Variants in ALX4 observed in about 807,000 individuals in gnomAD.
The protein encoded by ALX4 is homeobox protein aristaless-like 4.
In ALX4, 22 loss-of-function variants were observed where a neutral mutation model predicts 40.6. The ratio of observed to expected loss-of-function variants is 0.54; its 90% confidence interval spans 0.39 to 0.77. The LOEUF is 0.77. Among genes scored for constraint, ALX4 ranks in the 30% least tolerant of loss-of-function variants. The probability of loss-of-function intolerance (pLI) is 0.00; values close to 1 mark genes in which losing one functional copy is unlikely to be tolerated. For missense variants in ALX4, 556 were observed against 564.8 expected, an observed-to-expected ratio of 0.98 and a Z score of 0.16; for synonymous variants, 266 against 240.5, an observed-to-expected ratio of 1.11 and a Z score of -0.98.
At chr11:44,266,904 A>G (rs1451652402) in intron 3 of ALX4, among the ~76,000 whole-genome samples, 4 of 152,168 alleles carry the variant, frequency 2.6e-5, no homozygotes, top group Admixed American at 2.6e-4. Context: ...AGCTTTTTGA[A>G]ACTGTACAAT....
At position 44,309,930 on chromosome 11, in the gene ALX4, T is replaced by C. The variant is rs1956497528; in HGVS notation, c.133A>G (p.Thr45Ala). 1.3e-6 allele frequency: 2 copies of C among 1,592,708 alleles called. No individual in the cohort carries two copies. Among genetic ancestry groups the C allele is most frequent in the Middle Eastern group, 1.6e-4 (1 of 6,064 alleles). Residue 45 changes from threonine (T) to alanine (A), a missense_variant, in exon 1 of 4, where the codon ACA becomes GCA. Coordinates refer to ENST00000652299, the MANE Select transcript of ALX4 (RefSeq NM_021926.4). The part of the protein sequence containing the change: ...RAFPGGDKFG[T>A]TFLSAAAKAQ... Reference sequence around the variant, plus strand: ...TTGGCGGCGGCCGACAGGAAAGTTGTGCCGAACTTGTCGCCTCCGGGAAAT... The same window carrying C: ...TTGGCGGCGGCCGACAGGAAAGTTGCGCCGAACTTGTCGCCTCCGGGAAAT...
At chr11:44,290,388 GC>G (rs148196481) in intron 1 of ALX4, among the ~76,000 whole-genome samples, 6,147 of 152,328 alleles carry the variant, frequency 0.04, 411 homozygotes, top group African/African-American at 0.14. Flanking sequence ...TCATTCAACA[GC>G]ATTCCTGGAG....
At chr11:44,265,899 C>T (rs1359467935) in intron 3 of ALX4, among the ~76,000 whole-genome samples, 1 of 152,194 alleles carries the variant, frequency 6.6e-6, no homozygotes, top group Non-Finnish European at 1.5e-5. Flanking sequence ...CTTCCCTTCC[C>T]TCCCCAACGT....
rs778531428 is a variant in ALX4 at position 44,309,988 on chromosome 11, C to A, written c.75G>T (p.Ser25=). 2 of 1,600,772 alleles carry A rather than the reference C, an allele frequency of 1.2e-6. No individual in the cohort carries two copies. The highest frequency in any genetic ancestry group is 2.3e-5 in the East Asian group (1 of 44,314). The change falls in exon 1 of 4, where the codon TCG becomes TCT. Residue 25 remains serine (S), a synonymous_variant. Coordinates refer to ENST00000652299, the MANE Select transcript of ALX4 (RefSeq NM_021926.4). Reference sequence around the variant, plus strand: ...AAGGCGACGAGCCCTCCCGACTCTGCGACACCGGGCTGTAGTAGGCGTCCA... The same window carrying A: ...AAGGCGACGAGCCCTCCCGACTCTGAGACACCGGGCTGTAGTAGGCGTCCA... ...AAMDAYYSPV[S]QSREGSSPFR...
At chr11:44,295,941 C>T (rs965705769) in intron 1 of ALX4, among the ~76,000 whole-genome samples, 3 of 152,210 alleles carry the variant, frequency 2.0e-5, no homozygotes, top group Admixed American at 2.0e-4. Flanking sequence ...TTTGGCTCTG[C>T]CCTCCACCCC....
intron 1 of ALX4, among the ~76,000 whole-genome samples, chr11:44,285,322 ATTC>A (rs1956332270): frequency 6.6e-6 from 1 of 152,212 alleles, no homozygotes; most frequent in African/African-American, 2.4e-5. Flanking sequence ...GCTGTTCTAT[ATTC>A]TTCTACCACA....
chr11:44,303,896 C>A (rs866887154), intron 1 of ALX4, among the ~76,000 whole-genome samples: 1 of 152,352 alleles, frequency 6.6e-6, no homozygotes, highest in Middle Eastern at 3.4e-3. Flanking sequence ...GAGGAAGGAG[C>A]ATCTTGAATG....
At chr11:44,286,485 G>A (rs1192092687) in intron 1 of ALX4, among the ~76,000 whole-genome samples, 2 of 152,108 alleles carry the variant, frequency 1.3e-5, no homozygotes, top group Non-Finnish European at 2.9e-5. Flanking sequence ...GTGCATGCTG[G>A]CCACCAGGAG....
intron 1 of ALX4, among the ~76,000 whole-genome samples, chr11:44,277,512 G>A (rs1450635628): frequency 6.6e-6 from 1 of 152,192 alleles, no homozygotes; most frequent in African/African-American, 2.4e-5. Flanking sequence ...CAACAAGCAC[G>A]TGTGGTAGGT....
Position 44,275,630 on chromosome 11 carries a change from C to T in ALX4, c.495G>A (p.Glu165=). 1.9e-6 allele frequency: 3 copies of T among 1,613,504 alleles called. No homozygotes were observed. Among genetic ancestry groups the T allele is most frequent in the Non-Finnish European group, 2.5e-6 (3 of 1,179,578 alleles). ...CCACAGTGTCAGAGTCAGGGGGTAA[C>T]TCTGGCTCACCCAGGGAGCTCTCTT... ...YAKESSLGEP[E]LPPDSDTVGM... is the part of the protein sequence containing the mutation. The change falls in exon 2 of 4, where the codon GAG becomes GAA. Residue 165 remains glutamate, a synonymous_variant. Transcript: ENST00000652299.
chr11:44,300,774 GA>G (rs1956430194), intron 1 of ALX4, among the ~76,000 whole-genome samples: 1 of 152,226 alleles, frequency 6.6e-6, no homozygotes, highest in South Asian at 2.1e-4. Context: ...AAAACCAAGA[GA>G]AAGCATGGAG....
Position 44,309,959 on chromosome 11 carries a change from C to G in ALX4, c.104G>C (p.Arg35Thr), listed in dbSNP as rs3824915. 792,239 of 1,592,832 alleles carry G rather than the reference C, an allele frequency of 0.5. 202,647 individuals are homozygous for G. Among genetic ancestry groups the G allele is most frequent in the South Asian group, 0.77 (67,279 of 87,932 alleles). Residue 35 changes from arginine to threonine, a missense_variant, in exon 1 of 4, where the codon AGG becomes ACG. Arg to Thr is a moderately conservative substitution (Grantham distance 71). Coordinates refer to ENST00000652299, the MANE Select transcript of ALX4 (RefSeq NM_021926.4). ...SQSREGSSPF[R>T]AFPGGDKFGT... Reference sequence around the variant, plus strand: ...GAACTTGTCGCCTCCGGGAAATGCCCTAAAAGGCGACGAGCCCTCCCGACT... The same window carrying G: ...GAACTTGTCGCCTCCGGGAAATGCCGTAAAAGGCGACGAGCCCTCCCGACT...
At position 44,275,481 on chromosome 11, in the gene ALX4, C is replaced by A; in HGVS notation, c.644G>T (p.Arg215Leu). The change falls in exon 2 of 4, where the codon CGG (arginine) becomes CTG (leucine). Residue 215 changes from arginine (R) to leucine (L), a missense_variant. Transcript: ENST00000652299. Reference sequence around the variant, plus strand: ...GCTGGTGAAGGTGGTCCGGTTCCGCCGCTTCTTGCCCTTGTTGCTCTCTGA... The same window carrying A: ...GCTGGTGAAGGTGGTCCGGTTCCGCAGCTTCTTGCCCTTGTTGCTCTCTGA... ...ADSESNKGKK[R>L]RNRTTFTSYQ... 1.2e-6 allele frequency: 2 copies of A among 1,614,012 alleles called. No homozygotes were observed. The highest frequency in any genetic ancestry group is 1.7e-6 in the Non-Finnish European group (2 of 1,179,878).
intron 1 of ALX4, among the ~76,000 whole-genome samples, chr11:44,301,304 C>T (rs541319352): frequency 7.2e-5 from 11 of 152,280 alleles, no homozygotes; most frequent in South Asian, 2.1e-4. Context: ...CCAGTTTCCT[C>T]GATGTAACCA....
At chr11:44,273,401 A>G (rs1365192242) in intron 2 of ALX4, among the ~76,000 whole-genome samples, 1 of 152,022 alleles carries the variant, frequency 6.6e-6, no homozygotes, top group African/African-American at 2.4e-5. Context: ...TATTTTGGCT[A>G]CTCATGGGTC....
rs10769028 is a variant in ALX4, at chr11:44,275,504, T to G, written c.621A>C (p.Ser207=). ...DLPSPLEKAD[S]ESNKGKKRRN... ...GCCGCTTCTTGCCCTTGTTGCTCTC[T>G]GAGTCGGCCTTCTCCAATGGGCTGG... The change falls in exon 2 of 4, where the codon TCA becomes TCC. Residue 207 remains serine, a synonymous_variant. Transcript: ENST00000652299. The G allele has an allele frequency of 2.5e-6, 4 of 1,614,054 alleles. No homozygotes were observed. The African/African-American group carries it at 5.3e-5, about 22-fold the overall frequency.
Position 44,309,801 on chromosome 11 carries a change from T to G in ALX4, c.262A>C (p.Asn88His), listed in dbSNP as rs1401534861. 1 of 1,551,122 alleles carries G rather than the reference T, an allele frequency of 6.4e-7. No homozygotes were observed. The highest frequency in any genetic ancestry group is 8.7e-7 in the Non-Finnish European group (1 of 1,147,320). ...GTCGACGGCTGGGGCTGGAACTTGT[T>G]AAAGGAGCCCCGCGCCCCAGCTCCA... ...ESGAGARGSF[N>H]KFQPQPSTPQ... The change falls in exon 1 of 4, where the codon AAC (asparagine) becomes CAC (histidine). Residue 88 changes from asparagine to histidine, a missense_variant. By Grantham distance (68) the Asn-to-His change is moderately conservative. Coordinates refer to ENST00000652299, the MANE Select transcript of ALX4 (RefSeq NM_021926.4).
At position 44,264,648 on chromosome 11, in the gene ALX4, G is replaced by A. The variant is rs1049212008; in HGVS notation, c.*206C>T. The A allele has an allele frequency of 8.0e-6, 5 of 622,942 alleles. No individual in the cohort carries two copies. The highest frequency in any genetic ancestry group is 1.4e-5 in the Non-Finnish European group (5 of 358,794). The allele number at this position is 622,942 out of a possible 1,614,324, so 38.6% of individuals were successfully genotyped here. A position where few individuals can be genotyped will look rare whatever the true frequency, so the allele number is the denominator to read the frequency against. Reference sequence around the variant, plus strand: ...GCCGGGAGCAGGGGTCAGGGCCTCAGTGCCAGGGAGGGGCCAGGGGCCTGC... The same window carrying A: ...GCCGGGAGCAGGGGTCAGGGCCTCAATGCCAGGGAGGGGCCAGGGGCCTGC... On this transcript the variant is annotated 3_prime_UTR_variant, in exon 4 of 4. Coordinates refer to ENST00000652299, the MANE Select transcript of ALX4 (RefSeq NM_021926.4).
At chr11:44,308,562 C>T (rs1409342616) in intron 1 of ALX4, among the ~76,000 whole-genome samples, 2 of 152,244 alleles carry the variant, frequency 1.3e-5, no homozygotes, top group African/African-American at 4.8e-5. Context: ...GTTCAGGAAC[C>T]CCGATTCTCT....
Sources: gnomAD v4.1 joint callset for allele counts (sites outside exome capture counted in the v4.1 genomes callset) on GRCh38, gnomAD v4.1.1 for gene constraint, MANE v1.5 for transcripts, NCBI Gene and HGNC (gene_info 2026-07-23, HGNC 2026-07-21) for gene names.